Variants in CNTNAP5 observed in about 807,000 individuals in gnomAD.
The protein encoded by CNTNAP5 is contactin-associated protein-like 5.
CNTNAP5 carries 72 observed loss-of-function variants against 150.2 expected under a neutral mutation model. That is an observed-to-expected ratio of 0.48 (90% CI 0.40 to 0.58). The LOEUF (loss-of-function observed/expected upper bound fraction) is 0.58. CNTNAP5 is among the 20% of genes least tolerant of loss of function. CNTNAP5 has a pLI of 0.00. For synonymous variants in CNTNAP5, 672 were observed against 619.8 expected, an observed-to-expected ratio of 1.08 and a Z score of -1.25; for missense variants, 1,636 against 1,626.2, an observed-to-expected ratio of 1.01 and a Z score of -0.10.
At chr2:124,772,310 G>C (rs1426819820) in intron 16 of CNTNAP5, among the ~76,000 whole-genome samples, 1 of 152,182 alleles carries the variant, frequency 6.6e-6, no homozygotes, top group Non-Finnish European at 1.5e-5. Flanking sequence ...TGTCTCCTTG[G>C]ACAAGGCGAT....
chr2:124,081,194 A>G (rs1682553248), intron 1 of CNTNAP5, among the ~76,000 whole-genome samples: 1 of 152,152 alleles, frequency 6.6e-6, no homozygotes, highest in Non-Finnish European at 1.5e-5. Flanking sequence ...ACACACTTAA[A>G]TGAGAAAATA....
chr2:124,259,007 C>CT (rs1558823115), intron 3 of CNTNAP5, among the ~76,000 whole-genome samples: 14 of 121,858 alleles, frequency 1.1e-4, no homozygotes, highest in Non-Finnish European at 1.5e-4. Flanking sequence ...TCCCTCCCCC[C>CT]TCCCCCCACC....
chr2:124,357,381 C>G (rs2104709339), intron 3 of CNTNAP5, among the ~76,000 whole-genome samples: 1 of 152,142 alleles, frequency 6.6e-6, no homozygotes, highest in South Asian at 2.1e-4. Context: ...AGTCCTTGCC[C>G]ATGCCTATGT....
chr2:124,306,134 A>G (rs1275590487), intron 3 of CNTNAP5, among the ~76,000 whole-genome samples: 1 of 152,156 alleles, frequency 6.6e-6, no homozygotes, highest in Non-Finnish European at 1.5e-5. Context: ...AAAAACAGGA[A>G]CATGGTTAGT....
At chr2:124,766,503 A>G (rs983824531) in intron 16 of CNTNAP5, among the ~76,000 whole-genome samples, 1 of 152,094 alleles carries the variant, frequency 6.6e-6, no homozygotes, top group East Asian at 1.9e-4. Context: ...CACACAATAC[A>G]TACAAGGAAA....
rs6758903 is a variant in CNTNAP5, at chr2:124,367,733, A to G, written c.382-49710A>G. Reference sequence around the variant, plus strand: ...GTACTCCATCTGAACCTTAGAAAGGACCTGGCTCCCTGACGTGAAGGAAAA... The same window carrying G: ...GTACTCCATCTGAACCTTAGAAAGGGCCTGGCTCCCTGACGTGAAGGAAAA... On this transcript the variant is annotated intron_variant, in intron 3 of 23. Transcript: ENST00000682447. Among the ~76,000 whole-genome samples, 1,238 of 152,290 alleles carry G rather than the reference A, an allele frequency of 8.1e-3. 12 individuals are homozygous for G. Among genetic ancestry groups the G allele is most frequent in the African/African-American group, 0.028 (1,165 of 41,554 alleles).
intron 13 of CNTNAP5, among the ~76,000 whole-genome samples, chr2:124,666,791 T>C (rs17392863): frequency 0.03 from 4,543 of 152,272 alleles, 92 homozygotes; most frequent in Non-Finnish European, 0.046. Flanking sequence ...TGGCTGCAAG[T>C]ATTCTTTTGA....
intron 1 of CNTNAP5, among the ~76,000 whole-genome samples, chr2:124,096,828 C>T (rs964376189): frequency 6.6e-6 from 1 of 151,964 alleles, no homozygotes; most frequent in Non-Finnish European, 1.5e-5. Flanking sequence ...CTCAACCTCC[C>T]GAGTAGCTGG....
intron 13 of CNTNAP5, among the ~76,000 whole-genome samples, chr2:124,703,114 C>T (rs1224426117): frequency 7.0e-6 from 1 of 142,114 alleles, no homozygotes; most frequent in Non-Finnish European, 1.5e-5. Context: ...TTCCTTCCTC[C>T]CTCCCTCCCT....
intron 8 of CNTNAP5, among the ~76,000 whole-genome samples, chr2:124,510,339 C>A (rs1210246851): frequency 3.0e-4 from 5 of 16,664 alleles, no homozygotes; most frequent in Admixed American, 1.2e-3. Flanking sequence ...ATATATATCT[C>A]CATATGTCAA....
At chr2:124,307,764 A>T (rs889001805) in intron 3 of CNTNAP5, among the ~76,000 whole-genome samples, 1 of 152,198 alleles carries the variant, frequency 6.6e-6, no homozygotes, top group Non-Finnish European at 1.5e-5. Flanking sequence ...CAGGTGGGGA[A>T]GCAAGTGATG....
At chr2:124,661,433 A>T (rs189689757) in intron 13 of CNTNAP5, among the ~76,000 whole-genome samples, 17 of 152,260 alleles carry the variant, frequency 1.1e-4, no homozygotes, top group African/African-American at 4.1e-4. Context: ...TATCATCATC[A>T]CTGTCTTCTA....
intron 6 of CNTNAP5, among the ~76,000 whole-genome samples, chr2:124,447,803 T>G (rs1055444698): frequency 5.3e-5 from 8 of 152,222 alleles, no homozygotes; most frequent in Admixed American, 2.0e-4. Context: ...GTTAGAAGAC[T>G]GGGGAGGCAA....
At chr2:124,885,127 A>T (rs527246358) in intron 21 of CNTNAP5, among the ~76,000 whole-genome samples, 1 of 152,146 alleles carries the variant, frequency 6.6e-6, no homozygotes, top group East Asian at 1.9e-4. Flanking sequence ...TGGGTAGGCC[A>T]TCAGGAAGTG....
chr2:124,276,309 A>C (rs1687882709), intron 3 of CNTNAP5, among the ~76,000 whole-genome samples: 1 of 152,206 alleles, frequency 6.6e-6, no homozygotes, highest in African/African-American at 2.4e-5. Flanking sequence ...CACTTCAAAT[A>C]TGAAATGATG....
At chr2:124,071,306 G>A (rs1240055779) in intron 1 of CNTNAP5, among the ~76,000 whole-genome samples, 1 of 151,666 alleles carries the variant, frequency 6.6e-6, no homozygotes, top group African/African-American at 2.4e-5. Context: ...AACTAGAAAA[G>A]CAGAAACAAA....
chr2:124,534,979 C>T (rs1270265346), intron 10 of CNTNAP5, among the ~76,000 whole-genome samples: 1 of 152,174 alleles, frequency 6.6e-6, no homozygotes, highest in African/African-American at 2.4e-5. Context: ...GTTCAAAAGC[C>T]TCTGACAGGT....
At chr2:124,684,512 A>G (rs544205214) in intron 13 of CNTNAP5, among the ~76,000 whole-genome samples, 1 of 152,308 alleles carries the variant, frequency 6.6e-6, no homozygotes, top group Non-Finnish European at 1.5e-5. Flanking sequence ...TTTCTCTTGT[A>G]AACTGGAAAC....
At chr2:124,090,257 A>G (rs1682783395) in intron 1 of CNTNAP5, among the ~76,000 whole-genome samples, 1 of 152,082 alleles carries the variant, frequency 6.6e-6, no homozygotes, top group Admixed American at 6.6e-5. Flanking sequence ...GGCATGTTCT[A>G]TTTTTTCTGA....
Sources: gnomAD v4.1 joint callset for allele counts (sites outside exome capture counted in the v4.1 genomes callset) on GRCh38, gnomAD v4.1.1 for gene constraint, MANE v1.5 for transcripts, NCBI Gene and HGNC (gene_info 2026-07-23, HGNC 2026-07-21) for gene names.